The following SLC25A16 variants were observed in gnomAD, a reference collection of about 807,000 sequenced individuals.
SLC25A16 encodes mitochondrial coenzyme A transporter SLC25A16.
A neutral mutation model predicts 41.5 loss-of-function variants in SLC25A16; 39 were observed. That is an observed-to-expected ratio of 0.94 (90% confidence interval 0.73 to 1.23). The LOEUF is 1.23. Among genes scored for constraint, SLC25A16 ranks in the 50% most tolerant of loss-of-function variants. The pLI is 0.00. For synonymous variants in SLC25A16, 146 were observed against 147.8 expected (o/e 0.99, Z 0.09); for missense variants, 421 against 426.9 (o/e 0.99, Z 0.12).
chr10:68,499,254 T>C lies in SLC25A16; in HGVS notation c.421+4378A>G, dbSNP rs577757630. Among the ~76,000 whole-genome samples, 306 of 152,264 alleles carry C rather than the reference T, an allele frequency of 2.0e-3. 1 individual carries two copies. The highest frequency in any genetic ancestry group is 7.0e-3 in the African/African-American group (291 of 41,560). On this transcript the variant is annotated intron_variant, in intron 4 of 8. Coordinates refer to ENST00000609923, the MANE Select transcript of SLC25A16 (RefSeq NM_152707.4). ...AGGCCAGGCAGGATCCCAGCAAGTG[T>C]TCTGTCCACTCAATCACCAAGCTTT...
intron 1 of SLC25A16, among the ~76,000 whole-genome samples, chr10:68,521,744 C>T (rs1267556044): frequency 1.3e-5 from 2 of 151,294 alleles, no homozygotes; most frequent in African/African-American, 4.8e-5. Flanking sequence ...CAGGCGCCCG[C>T]CACTACGCCC....
At chr10:68,499,767 T>C in intron 4 of SLC25A16, 1 of 392,152 alleles carries the variant, frequency 2.6e-6, no homozygotes. Context: ...GGAAGAAATG[T>C]CATCTACACT....
At chr10:68,489,059 C>T (rs954437367) in intron 6 of SLC25A16, among the ~76,000 whole-genome samples, 33 of 152,128 alleles carry the variant, frequency 2.2e-4, no homozygotes, top group African/African-American at 7.5e-4. Flanking sequence ...TACCTGAGGT[C>T]AGGCGTTCGA....
intron 4 of SLC25A16, among the ~76,000 whole-genome samples, chr10:68,494,323 G>T (rs948802801): frequency 7.2e-6 from 1 of 139,246 alleles, no homozygotes; most frequent in Non-Finnish European, 1.6e-5. Context: ...TTAGCTGGGT[G>T]TGGCGGCACA....
At chr10:68,487,919 T>A (rs1402209393) in intron 7 of SLC25A16, among the ~76,000 whole-genome samples, 1 of 151,982 alleles carries the variant, frequency 6.6e-6, no homozygotes, top group Non-Finnish European at 1.5e-5. Context: ...AGTGACGCAA[T>A]CTTGGCTCAC....
chr10:68,511,852 T>C (rs946502096), intron 2 of SLC25A16, among the ~76,000 whole-genome samples: 7 of 151,140 alleles, frequency 4.6e-5, no homozygotes, highest in African/African-American at 1.7e-4. Flanking sequence ...TGCAACCACA[T>C]GCATTTAATT....
At chr10:68,524,974 G>C (rs1196256167) in intron 1 of SLC25A16, among the ~76,000 whole-genome samples, 1 of 151,828 alleles carries the variant, frequency 6.6e-6, no homozygotes, top group African/African-American at 2.4e-5. Flanking sequence ...TTGAACCCAG[G>C]AAGCAGAGGT....
chr10:68,502,214 A>C (rs921462465), intron 4 of SLC25A16, among the ~76,000 whole-genome samples: 2 of 150,596 alleles, frequency 1.3e-5, no homozygotes, highest in East Asian at 3.9e-4. Context: ...ACTCCGTCTC[A>C]AAAAAAAAGA....
chr10:68,503,680 G>C lies in SLC25A16; in HGVS notation c.373C>G (p.Leu125Val). 5 of 1,603,286 alleles carry C rather than the reference G, an allele frequency of 3.1e-6. No homozygotes were observed. Among genetic ancestry groups the C allele is most frequent in the Non-Finnish European group, 4.3e-6 (5 of 1,171,878 alleles). Residue 125 changes from leucine to valine, a missense_variant, in exon 4 of 9, where the codon CTG (leucine) becomes GTG (valine). By Grantham distance (32) the Leu-to-Val change is conservative (BLOSUM62 1). Coordinates refer to ENST00000609923, the MANE Select transcript of SLC25A16 (RefSeq NM_152707.4). ...EHYKTLITTK[L>V]GISGHVHRLM... Reference sequence around the variant, plus strand: ...CTGTGCACATGACCTGAAATTCCCAGCTTCGTAGTAATTAACTAGAAAACA... The same window carrying C: ...CTGTGCACATGACCTGAAATTCCCACCTTCGTAGTAATTAACTAGAAAACA...
chr10:68,493,796 A>G (rs1242646037), intron 4 of SLC25A16, among the ~76,000 whole-genome samples: 1 of 152,196 alleles, frequency 6.6e-6, no homozygotes, highest in East Asian at 1.9e-4. Context: ...GTGAAGTTAT[A>G]CTGTTAGCAC....
Position 68,483,581 on chromosome 10 carries a change from G to A in SLC25A16, c.850C>T (p.Arg284Trp), listed in dbSNP as rs763985940. 64 of 1,596,992 alleles carry A rather than the reference G, an allele frequency of 4.0e-5. No individual in the cohort carries two copies. The highest frequency in any genetic ancestry group is 4.9e-5 in the Non-Finnish European group (57 of 1,173,044). Residue 284 changes from arginine (R) to tryptophan (W), a missense_variant, in exon 9 of 9, where the codon CGG becomes TGG. Coordinates refer to ENST00000609923, the MANE Select transcript of SLC25A16 (RefSeq NM_152707.4). ...CCATAGACATACTTCATAGTATCCC[G>A]CATGGTACTGAAAGACAATGATTAA... ...LPEFEKCLTMRDTMKYVYGHH... is the reference protein window; with the variant it reads ...LPEFEKCLTMWDTMKYVYGHH...
intron 1 of SLC25A16, among the ~76,000 whole-genome samples, chr10:68,519,330 T>C (rs1021155858): frequency 4.7e-5 from 7 of 149,792 alleles, no homozygotes; most frequent in African/African-American, 1.7e-4. Flanking sequence ...CTACTAAAAA[T>C]ACAAAAATTA....
rs1197104401 is a variant in SLC25A16, at chr10:68,482,415, C to T, written c.*1017G>A. 6.6e-6 allele frequency: 1 copy of T among 152,510 alleles called. No homozygotes were observed. Among genetic ancestry groups the T allele is most frequent in the African/African-American group, 2.4e-5 (1 of 41,414 alleles). 9.4% of individuals were successfully genotyped at this position (152,510 alleles called of 1,614,324 possible). ...ATTCAAATCATATTTTACATTTCTACGTCTTCATATTGCACTAAAATTATT... is the reference window on the plus strand; with the variant it reads ...ATTCAAATCATATTTTACATTTCTATGTCTTCATATTGCACTAAAATTATT... On this transcript the variant is annotated 3_prime_UTR_variant, in exon 9 of 9. Coordinates refer to ENST00000609923, the MANE Select transcript of SLC25A16 (RefSeq NM_152707.4).
chr10:68,504,752 C>A (rs1046829767), intron 3 of SLC25A16, among the ~76,000 whole-genome samples: 1 of 152,080 alleles, frequency 6.6e-6, no homozygotes, highest in African/African-American at 2.4e-5. Context: ...ACGATCTTGG[C>A]TCACTGCAAC....
At chr10:68,491,109 G>T (rs2052649985) in intron 6 of SLC25A16, among the ~76,000 whole-genome samples, 3 of 151,876 alleles carry the variant, frequency 2.0e-5, no homozygotes, top group Admixed American at 2.0e-4. Flanking sequence ...AAATTCCTAG[G>T]CTCAAGTAAT....
Position 68,493,139 on chromosome 10 carries a change from TG to T in SLC25A16, c.602del (p.Pro201HisfsTer13). The T allele has an allele frequency of 6.3e-7, 1 of 1,585,532 alleles. No individual in the cohort carries two copies. Among genetic ancestry groups the T allele is most frequent in the Non-Finnish European group, 8.6e-7 (1 of 1,167,514 alleles). On this transcript the variant is annotated frameshift_variant, in exon 6 of 9. Transcript: ENST00000609923. LOFTEE classifies it high-confidence loss of function. ...GLMPTILGMA[P>X]YAGVSFFTFG... ...GGCAAATTTGAAACATACCTGCATATGGAGCCATTCCTAAAATAGTAGGCAT... is the reference window on the plus strand; with the variant it reads ...GGCAAATTTGAAACATACCTGCATATGAGCCATTCCTAAAATAGTAGGCAT...
Position 68,493,585 on chromosome 10 carries a change from GA to G in SLC25A16, c.422-16del. On this transcript the variant is annotated splice_polypyrimidine_tract_variant and intron_variant, in intron 4 of 8. Coordinates refer to ENST00000609923, the MANE Select transcript of SLC25A16 (RefSeq NM_152707.4). ...TGCTGTCATACCTGAAAAGAAAGTA[GA>G]AATTTAGAGGTACAATGAATTTTTG... The G allele has an allele frequency of 6.2e-7, 1 of 1,603,516 alleles. No homozygotes were observed. The highest frequency in any genetic ancestry group is 1.3e-5 in the African/African-American group (1 of 74,758).
chr10:68,488,994 G>C (rs1433190658), intron 6 of SLC25A16, among the ~76,000 whole-genome samples: 1 of 152,194 alleles, frequency 6.6e-6, no homozygotes, highest in East Asian at 1.9e-4. Flanking sequence ...TGATGGCCGG[G>C]CGTGGTGGCT....
At chr10:68,521,000 G>A (rs772825967) in intron 1 of SLC25A16, among the ~76,000 whole-genome samples, 7 of 151,554 alleles carry the variant, frequency 4.6e-5, no homozygotes, top group Non-Finnish European at 7.4e-5. Context: ...CCGGCATGGT[G>A]GCACGTGCCT....
Sources: gnomAD v4.1 joint callset for allele counts (sites outside exome capture counted in the v4.1 genomes callset) on GRCh38, gnomAD v4.1.1 for gene constraint, MANE v1.5 for transcripts, NCBI Gene and HGNC (gene_info 2026-07-23, HGNC 2026-07-21) for gene names.